POLE: variants seen among roughly 807,000 people sequenced by gnomAD.
POLE encodes the protein DNA polymerase epsilon, catalytic subunit, also known as DNA polymerase epsilon catalytic subunit A.
POLE carries 188 observed loss-of-function variants against 279.2 expected under a neutral mutation model. The ratio of observed to expected loss-of-function variants is 0.67; its 90% CI spans 0.60 to 0.76. The LOEUF is 0.76. POLE is among the 30% of genes least tolerant of loss of function. The pLI is 0.00. For synonymous variants in POLE, 1,214 were observed against 1,172.5 expected, an observed-to-expected ratio of 1.04 and a Z score of -0.72; for missense variants, 2,703 against 3,016.7, an observed-to-expected ratio of 0.90 and a Z score of 2.44.
rs1040560457 is a variant in POLE at position 132,634,133 on chromosome 12, C to T, written c.6004+53G>A. On this transcript the variant is annotated intron_variant, in intron 43 of 48. Coordinates refer to ENST00000320574, the MANE Select transcript of POLE (RefSeq NM_006231.4). This position sits in a 1 kb window ranked among gnomAD's most constrained non-coding sequence, Gnocchi z 4.0. ...TACCATGGCACAGGAGCCACATCTACTAACCATGAGTCCCTTCAGTGGGGG... is the reference window on the plus strand; with the variant it reads ...TACCATGGCACAGGAGCCACATCTATTAACCATGAGTCCCTTCAGTGGGGG... 1.4e-6 allele frequency: 2 copies of T among 1,478,700 alleles called. No homozygotes were observed. Among genetic ancestry groups the T allele is most frequent in the East Asian group, 4.6e-5 (2 of 43,624 alleles). The allele number at this position is 1,478,700 out of a possible 1,614,324, so 91.6% of individuals were successfully genotyped here.
intron 45 of POLE, among the ~76,000 whole-genome samples, chr12:132,627,296 C>T (rs1269645138): frequency 6.6e-6 from 1 of 151,442 alleles, no homozygotes; most frequent in Non-Finnish European, 1.5e-5. Context: ...AAAAAAAAAG[C>T]TATGTGATTT....
Position 132,642,811 on chromosome 12 carries a change from C to G in POLE, c.4728+9G>C, listed in dbSNP as rs1238534744. ...GGGGCTCACACAGCAAGACCCCAAC[C>G]ACTCTCACCTTGTAGGCGAGCAGGA... On this transcript the variant is annotated intron_variant, in intron 36 of 48. Transcript: ENST00000320574. 1 of 1,613,888 alleles carries G rather than the reference C, an allele frequency of 6.2e-7. No individual in the cohort carries two copies. The highest frequency in any genetic ancestry group is 1.1e-5 in the South Asian group (1 of 91,052).
intron 32 of POLE, among the ~76,000 whole-genome samples, chr12:132,645,813 CACA>C (rs2042271517): frequency 6.7e-6 from 1 of 149,062 alleles, no homozygotes; most frequent in African/African-American, 2.6e-5. Flanking sequence ...CACACACACA[CACA>C]AAATCAAAGA....
chr12:132,631,702 C>A (rs5745040), intron 45 of POLE, among the ~76,000 whole-genome samples: 11,658 of 152,184 alleles, frequency 0.077, 584 homozygotes, highest in Non-Finnish European at 0.11. Flanking sequence ...AGCATCCGAG[C>A]AAGCTCTCAT....
chr12:132,676,698 T>A (rs759924801), intron 8 of POLE, 45 bp from the exon 9 acceptor site: 2 of 1,245,352 alleles, frequency 1.6e-6, no homozygotes, highest in South Asian at 1.2e-5. Context: ...AAACTCCCCA[T>A]TAGGCCTCCC....
At chr12:132,628,030 A>T (rs1429977669) in intron 45 of POLE, among the ~76,000 whole-genome samples, 2 of 152,234 alleles carry the variant, frequency 1.3e-5, no homozygotes, top group African/African-American at 4.8e-5. Context: ...CATTTCCACA[A>T]TGTTCACTTT....
chr12:132,680,216 A>C lies in POLE; in HGVS notation c.292T>G (p.Leu98Val), dbSNP rs1593086455. ...ATGTAGAAATACGGTTTATAGGGCAAAGCCACCTGTTAAGAGTCACCAACC... is the reference window on the plus strand; with the variant it reads ...ATGTAGAAATACGGTTTATAGGGCACAGCCACCTGTTAAGAGTCACCAACC... ...QDDGSRFKVALPYKPYFYIAT... is the reference protein window; with the variant it reads ...QDDGSRFKVAVPYKPYFYIAT... The change falls in exon 4 of 49, where the codon TTG becomes GTG. Residue 98 changes from leucine to valine, a missense_variant. Transcript: ENST00000320574. 1.9e-6 allele frequency: 3 copies of C among 1,614,090 alleles called. No homozygotes were observed. The East Asian group carries it at 6.7e-5, about 36-fold the overall frequency.
At position 132,632,025 on chromosome 12, in the gene POLE, A is replaced by G. The variant is rs5745031; in HGVS notation, c.6330+290T>C. On this transcript the variant is annotated intron_variant, in intron 45 of 48. Transcript: ENST00000320574. Reference sequence around the variant, plus strand: ...AACTGTGGCTGCATGTGACAGGGACATGATAAATGTTGGTGGAATGAACAA... The same window carrying G: ...AACTGTGGCTGCATGTGACAGGGACGTGATAAATGTTGGTGGAATGAACAA... 0.5 allele frequency among the ~76,000 whole-genome samples: 75,905 copies of G among 151,996 alleles called. 19,569 individuals carry two copies. Among genetic ancestry groups the G allele is most frequent in the East Asian group, 0.7 (3,619 of 5,158 alleles).
intron 32 of POLE, among the ~76,000 whole-genome samples, chr12:132,645,128 G>T (rs5744918): frequency 0.27 from 10,998 of 41,352 alleles, 1,637 homozygotes; most frequent in East Asian, 0.53. Flanking sequence ...GGGGGTCTGG[G>T]AGAGCTGGAG....
In POLE at chr12:132,673,614, G is replaced by A. The variant is rs763350226; in HGVS notation, c.1320C>T (p.Asp440=). The A allele has an allele frequency of 6.2e-7, 1 of 1,613,600 alleles. No individual in the cohort carries two copies. The highest frequency in any genetic ancestry group is 2.2e-5 in the East Asian group (1 of 44,904). The change falls in exon 13 of 49, where the codon GAC becomes GAT. Residue 440 remains aspartate (D), a synonymous_variant. Transcript: ENST00000320574. The part of the protein sequence containing the change: ...AKLGYDPVEL[D]PEDMCRMATE... ...TGGCCATCCGGCACATGTCCTCCGG[G>A]TCTAGCTCCACGGGATCATAGCCTA...
intron 29 of POLE, among the ~76,000 whole-genome samples, chr12:132,656,214 C>A (rs1055888668): frequency 4.0e-5 from 6 of 151,888 alleles, no homozygotes; most frequent in African/African-American, 7.3e-5. Context: ...GTGAGCCAAA[C>A]CCAGGAGGCA....
At chr12:132,673,383 A>G in intron 13 of POLE, 106 bp from the exon 14 acceptor site, 2 of 1,149,556 alleles carry the variant, frequency 1.7e-6, no homozygotes, top group South Asian at 2.5e-5. Flanking sequence ...CCGCACACAC[A>G]GTAAGGAGAC....
rs1349487252 is a variant in POLE, at chr12:132,624,055, G to A, written c.*642C>T. On this transcript the variant is annotated 3_prime_UTR_variant, in exon 49 of 49. Coordinates refer to ENST00000320574, the MANE Select transcript of POLE (RefSeq NM_006231.4). ...GTGAGCCAAAAGTGAGGTGCACAGA[G>A]GTCTTGTTTTCCTGAGGCTGATAGA... 4.9e-6 allele frequency: 1 copy of A among 206,072 alleles called. No individual in the cohort carries two copies. The highest frequency in any genetic ancestry group is 5.9e-5 in the Admixed American group (1 of 16,852). The allele number at this position is 206,072 out of a possible 1,614,324, so 12.8% of individuals were successfully genotyped here.
Position 132,667,589 on chromosome 12 carries a change from T to A in POLE, c.2233A>T (p.Thr745Ser). The A allele has an allele frequency of 6.2e-7, 1 of 1,613,670 alleles. No individual in the cohort carries two copies. Among genetic ancestry groups the A allele is most frequent in the South Asian group, 1.1e-5 (1 of 91,056 alleles). Residue 745 changes from threonine to serine, a missense_variant, in exon 20 of 49, where the codon ACC becomes TCC. Coordinates refer to ENST00000320574, the MANE Select transcript of POLE (RefSeq NM_006231.4). The part of the protein sequence containing the change: ...HITKVEERLT[T>S]ICQRENSFYV... The stretch of plus-strand genomic sequence containing the variant: ...AAGGAGTTTTCCCGCTGGCAGATGG[T>A]GGTGAGACGCTCTTCCACCTTGGTG...
chr12:132,680,103 C>T, intron 4 of POLE, 57 bp from the exon 5 acceptor site: 1 of 1,593,740 alleles, frequency 6.3e-7, no homozygotes, highest in Non-Finnish European at 8.6e-7. Flanking sequence ...TCCTTCCTTG[C>T]CTATTTCCCA....
intron 29 of POLE, among the ~76,000 whole-genome samples, 176 bp downstream of exon 29, chr12:132,656,960 A>C (rs2042554671): frequency 6.6e-6 from 1 of 152,220 alleles, no homozygotes; most frequent in Non-Finnish European, 1.5e-5. Context: ...TCCTATTAAC[A>C]AAAGAGTGAC....
intron 41 of POLE, 58 bp downstream of exon 41, chr12:132,637,956 C>T (rs1407984424): frequency 6.3e-7 from 1 of 1,592,478 alleles, no homozygotes; most frequent in East Asian, 2.3e-5. Flanking sequence ...CTCAGGGGGT[C>T]ATTTTAGCAT....
intron 35 of POLE, 47 bp downstream of exon 35, chr12:132,643,177 A>G (rs1281208601): frequency 2.5e-6 from 4 of 1,589,134 alleles, no homozygotes; most frequent in Non-Finnish European, 3.4e-6. Context: ...CTCCTTCCCC[A>G]AACCCTGCCC....
At position 132,673,431 on chromosome 12, in the gene POLE, C is replaced by G. The variant is rs5744776; in HGVS notation, c.1359+144G>C. On this transcript the variant is annotated intron_variant, in intron 13 of 48. Coordinates refer to ENST00000320574, the MANE Select transcript of POLE (RefSeq NM_006231.4). ...AAACACGTGTGTCCCGGAGACACAG[C>G]CTGCTGGGTGGAGCGGGCTGGCATA... 18 of 1,292,518 alleles carry G rather than the reference C, an allele frequency of 1.4e-5. 1 individual carries two copies. The highest frequency in any genetic ancestry group is 2.9e-5 in the African/African-American group (2 of 68,634). The allele number at this position is 1,292,518 out of a possible 1,614,324, so 80.1% of individuals were successfully genotyped here.
Sources: allele counts gnomAD v4.1 joint callset (sites outside exome capture counted in the v4.1 genomes callset), GRCh38; gene constraint gnomAD v4.1.1; non-coding constraint Gnocchi (gnomAD v3.1); transcripts MANE v1.5; gene names NCBI Gene and HGNC (gene_info 2026-07-23, HGNC 2026-07-21).